DCC: variants seen among roughly 807,000 people sequenced by gnomAD.
DCC encodes the protein DCC netrin 1 receptor, also known as netrin receptor DCC.
A neutral mutation model predicts 172.5 loss-of-function variants in DCC; 58 were observed. The observed-to-expected ratio is 0.34, with a 90% confidence interval of 0.27 to 0.42. DCC has a LOEUF of 0.42. DCC is among the 10% of genes least tolerant of loss of function. The probability of loss-of-function intolerance (pLI) is 1.00; values close to 1 mark genes in which losing one functional copy is unlikely to be tolerated. For missense variants in DCC, 1,740 were observed against 1,791.0 expected (o/e 0.97, Z 0.51); for synonymous variants, 709 against 644.5 (o/e 1.10, Z -1.52).
chr18:53,250,565 C>G (rs1008198897), intron 12 of DCC, among the ~76,000 whole-genome samples: 9 of 151,930 alleles, frequency 5.9e-5, no homozygotes, highest in Admixed American at 4.6e-4. Context: ...GTCTCCTCCC[C>G]TTTCTTCCAC....
intron 3 of DCC, among the ~76,000 whole-genome samples, chr18:52,910,138 A>C (rs1039017464): frequency 2.0e-5 from 3 of 152,102 alleles, no homozygotes; most frequent in African/African-American, 7.2e-5. Flanking sequence ...AGCAGCTACT[A>C]AGGCAACATC....
chr18:53,330,705 A>G (rs1309089576), intron 14 of DCC, among the ~76,000 whole-genome samples: 1 of 152,108 alleles, frequency 6.6e-6, no homozygotes, highest in African/African-American at 2.4e-5. Flanking sequence ...TGCATCCTGG[A>G]TCAAGCCTTT....
At chr18:52,668,562 G>A (rs368400885) in intron 1 of DCC, among the ~76,000 whole-genome samples, 2 of 152,272 alleles carry the variant, frequency 1.3e-5, no homozygotes, top group South Asian at 2.1e-4. Flanking sequence ...ATATCAAAAT[G>A]TAATAAGAAC....
intron 2 of DCC, among the ~76,000 whole-genome samples, chr18:52,873,587 A>AAG (rs748947694): frequency 5.9e-5 from 9 of 152,200 alleles, no homozygotes; most frequent in Non-Finnish European, 1.0e-4. Context: ...TATCAAAATT[A>AAG]ATATATATAG....
intron 23 of DCC, 45 bp downstream of exon 23, chr18:53,450,707 T>G: frequency 1.3e-6 from 2 of 1,506,668 alleles, no homozygotes; most frequent in Non-Finnish European, 1.8e-6. Flanking sequence ...CATTGTCTTT[T>G]GGGGTTATAT....
At chr18:53,505,382 A>T (rs2046159343) in intron 27 of DCC, 1 of 152,132 alleles carries the variant, frequency 6.6e-6, no homozygotes, top group Non-Finnish European at 1.5e-5. Flanking sequence ...AGTTTAAGGC[A>T]TATGGGACTA....
chr18:52,627,047 A>G (rs929219970), intron 1 of DCC, among the ~76,000 whole-genome samples: 2 of 151,980 alleles, frequency 1.3e-5, no homozygotes, highest in African/African-American at 4.8e-5. Context: ...GCTGTTCTTT[A>G]TTTCAGGGTT....
intron 1 of DCC, among the ~76,000 whole-genome samples, chr18:52,566,314 A>C (rs1353073341): frequency 6.6e-6 from 1 of 152,108 alleles, no homozygotes; most frequent in African/African-American, 2.4e-5. Context: ...GAGTTGAACA[A>C]TGAGAATACA....
At chr18:52,642,271 T>A (rs551647717) in intron 1 of DCC, among the ~76,000 whole-genome samples, 64 of 150,994 alleles carry the variant, frequency 4.2e-4, no homozygotes, top group African/African-American at 1.4e-3. Flanking sequence ...AGCTAGGCTG[T>A]GAGGATGCAA....
intron 1 of DCC, among the ~76,000 whole-genome samples, chr18:52,377,908 C>T (rs1209207252): frequency 1.3e-5 from 2 of 151,972 alleles, no homozygotes; most frequent in Non-Finnish European, 2.9e-5. Flanking sequence ...ACATGTTGGC[C>T]AGGCTGGTCT....
chr18:52,565,339 C>A (rs1214302554), intron 1 of DCC, among the ~76,000 whole-genome samples: 2 of 152,236 alleles, frequency 1.3e-5, no homozygotes, highest in East Asian at 1.9e-4. Flanking sequence ...GATTTATAAT[C>A]CTTTGGGTGT....
chr18:53,248,296 T>C (rs901606687), intron 12 of DCC, among the ~76,000 whole-genome samples: 2 of 151,988 alleles, frequency 1.3e-5, no homozygotes, highest in Non-Finnish European at 2.9e-5. Context: ...TTATGACAAT[T>C]CTGGAAATCC....
At chr18:52,498,970 C>T (rs748450905) in intron 1 of DCC, among the ~76,000 whole-genome samples, 15 of 152,164 alleles carry the variant, frequency 9.9e-5, no homozygotes, top group Non-Finnish European at 1.5e-4. Context: ...GGAGGCACAG[C>T]GCAGTCCATA....
intron 25 of DCC, among the ~76,000 whole-genome samples, chr18:53,473,030 C>T (rs1459081123): frequency 6.6e-6 from 1 of 152,116 alleles, no homozygotes; most frequent in Non-Finnish European, 1.5e-5. Flanking sequence ...TTTGAAATGA[C>T]TCAGTGGATA....
intron 1 of DCC, among the ~76,000 whole-genome samples, chr18:52,668,215 A>T (rs1162682605): frequency 6.6e-6 from 1 of 152,206 alleles, no homozygotes; most frequent in Admixed American, 6.5e-5. Flanking sequence ...GGTTTCAGGT[A>T]ATCTCATGTG....
chr18:53,334,094 G>A (rs1366429888), intron 14 of DCC, among the ~76,000 whole-genome samples: 1 of 152,150 alleles, frequency 6.6e-6, no homozygotes, highest in African/African-American at 2.4e-5. Flanking sequence ...CATTACAAAT[G>A]TCCTAAATCT....
At chr18:52,819,629 C>T (rs1423749557) in intron 2 of DCC, among the ~76,000 whole-genome samples, 2 of 151,942 alleles carry the variant, frequency 1.3e-5, no homozygotes, top group South Asian at 2.1e-4. Flanking sequence ...ATAATCCAGA[C>T]GTCAGTTGTT....
At chr18:52,421,484 C>T (rs1057441890) in intron 1 of DCC, among the ~76,000 whole-genome samples, 1 of 152,170 alleles carries the variant, frequency 6.6e-6, no homozygotes, top group South Asian at 2.1e-4. Context: ...CTGAAAGTCC[C>T]TTTTGTTTAA....
intron 5 of DCC, among the ~76,000 whole-genome samples, chr18:52,993,509 C>T (rs1186701244): frequency 6.7e-6 from 1 of 150,164 alleles, no homozygotes; most frequent in Non-Finnish European, 1.5e-5. Flanking sequence ...ATGAGAAACT[C>T]GGGTTCTATT....
Sources: gnomAD v4.1 joint callset for allele counts (sites outside exome capture counted in the v4.1 genomes callset) on GRCh38, gnomAD v4.1.1 for gene constraint, MANE v1.5 for transcripts, NCBI Gene and HGNC (gene_info 2026-07-23, HGNC 2026-07-21) for gene names.